ANK3: variants seen among roughly 807,000 people sequenced by gnomAD.
The protein encoded by ANK3 is ankyrin-3.
A neutral mutation model predicts 370.9 loss-of-function variants in ANK3; 57 were observed. The ratio of observed to expected loss-of-function variants is 0.15; its 90% confidence interval spans 0.12 to 0.19. ANK3 has a LOEUF of 0.19. ANK3 is among the 10% of genes least tolerant of loss of function. The pLI is 1.00. For missense variants in ANK3, 4,439 were observed against 5,302.1 expected, an observed-to-expected ratio of 0.84 and a Z score of 5.06; for synonymous variants, 1,929 against 1,946.3, an observed-to-expected ratio of 0.99 and a Z score of 0.23.
intron 1 of ANK3, among the ~76,000 whole-genome samples, chr10:60,347,412 C>T (rs1319034232): frequency 1.3e-5 from 2 of 151,786 alleles, no homozygotes; most frequent in South Asian, 2.1e-4. Flanking sequence ...GACTATGAAG[C>T]ACTTCCTTGG....
At chr10:60,031,914 C>A (rs1172044248) in intron 43 of ANK3, among the ~76,000 whole-genome samples, 3 of 152,228 alleles carry the variant, frequency 2.0e-5, no homozygotes, top group East Asian at 3.9e-4. Flanking sequence ...GATTTCAACA[C>A]CCCTCCCCTG....
rs556245866 is a variant in ANK3, at chr10:60,612,016, C to T, written c.96+3170G>A. On this transcript the variant is annotated intron_variant, in intron 2 of 43. Coordinates refer to the ANK3 transcript ENST00000373827. ...ATCCAAACTACCTCTTCAATTTGTA[C>T]CCTATGAAGTGTACACTGTCTCATT... 2.6e-5 allele frequency among the ~76,000 whole-genome samples: 4 copies of T among 152,156 alleles called. No homozygotes were observed. The South Asian group carries it at 8.3e-4, about 32-fold the overall frequency.
intron 1 of ANK3, among the ~76,000 whole-genome samples, chr10:60,357,508 C>T (rs1158470833): frequency 6.6e-6 from 1 of 152,034 alleles, no homozygotes; most frequent in Non-Finnish European, 1.5e-5. Context: ...ATGCTTTGCT[C>T]TCAGCATTTC....
intron 2 of ANK3, among the ~76,000 whole-genome samples, chr10:60,447,312 G>A (rs184762806): frequency 6.6e-6 from 1 of 152,194 alleles, no homozygotes; most frequent in Non-Finnish European, 1.5e-5. Context: ...TAGAGATAAA[G>A]TATCCAACTG....
chr10:60,413,955 C>T (rs2063609993), intron 2 of ANK3, among the ~76,000 whole-genome samples: 1 of 152,124 alleles, frequency 6.6e-6, no homozygotes, highest in African/African-American at 2.4e-5. Flanking sequence ...TATGATGGTG[C>T]CACTGCACTG....
intron 1 of ANK3, among the ~76,000 whole-genome samples, chr10:60,644,890 T>TTAAAA (rs35510910): frequency 1.6e-5 from 2 of 125,960 alleles, no homozygotes; most frequent in Non-Finnish European, 3.2e-5. Flanking sequence ...AGTTTTAGTT[T>TTAAAA]AAAAAAAAAA....
chr10:60,303,741 A>G (rs2044329634), intron 1 of ANK3, among the ~76,000 whole-genome samples: 1 of 152,176 alleles, frequency 6.6e-6, no homozygotes, highest in East Asian at 1.9e-4. Flanking sequence ...TACTGGGTAT[A>G]TTGCCAAAGA....
At chr10:60,290,826 A>G (rs984921969) in intron 1 of ANK3, among the ~76,000 whole-genome samples, 4 of 152,188 alleles carry the variant, frequency 2.6e-5, no homozygotes, top group Admixed American at 1.3e-4. Flanking sequence ...TCCCAACTTT[A>G]TCTTTAAATA....
At position 60,074,451 on chromosome 10, in the gene ANK3, C is replaced by T. The variant is rs758596438; in HGVS notation, c.6430G>A (p.Ala2144Thr). 12 of 1,613,964 alleles carry T rather than the reference C, an allele frequency of 7.4e-6. No individual in the cohort carries two copies. Among genetic ancestry groups the T allele is most frequent in the Admixed American group, 3.3e-5 (2 of 59,988 alleles). ...AGTGGTTTAGGACCAGTGCTTTCAG[C>T]GCTTTGTGGGGCTGAAGGTGTCTTT... ...SEKTPSAPQS[A>T]ESTGPKPLFH... The change falls in exon 37 of 44, where the codon GCT (alanine) becomes ACT (threonine). Residue 2144 changes from alanine to threonine, a missense_variant. Physicochemically the swap from Ala to Thr is moderately conservative, Grantham distance 58. This residue lies in a region of ANK3 where 7 missense variants were observed against 26.9 expected (regional missense o/e 0.26). Coordinates refer to ENST00000280772, the MANE Select transcript of ANK3 (RefSeq NM_020987.5).
chr10:60,033,666 A>G (rs10821659), intron 43 of ANK3, among the ~76,000 whole-genome samples: 83,340 of 151,944 alleles, frequency 0.55, 23,586 homozygotes, highest in Non-Finnish European at 0.63. Flanking sequence ...TTTTATAGGC[A>G]AATGGACATA....
rs1203105594 is a variant in ANK3 at position 60,136,956 on chromosome 10, C to T, written c.2738+2008G>A. On this transcript the variant is annotated intron_variant, in intron 24 of 43. Coordinates refer to ENST00000280772, the MANE Select transcript of ANK3 (RefSeq NM_020987.5). ...TATAGGAAGTGTTAGAAAAACATGC[C>T]TCAGAATTCTAAATTTATACTAATT... Among the ~76,000 whole-genome samples, 2 of 151,996 alleles carry T rather than the reference C, an allele frequency of 1.3e-5. 1 individual carries two copies. The highest frequency in any genetic ancestry group is 2.9e-5 in the Non-Finnish European group (2 of 67,984).
At chr10:60,375,036 T>C (rs2060587570) in intron 1 of ANK3, among the ~76,000 whole-genome samples, 3 of 152,160 alleles carry the variant, frequency 2.0e-5, no homozygotes, top group Admixed American at 1.3e-4. Flanking sequence ...GTGACGTATA[T>C]ACACGCACAG....
At chr10:60,240,084 CACT>C (rs1428191820) in intron 7 of ANK3, among the ~76,000 whole-genome samples, 9 of 135,486 alleles carry the variant, frequency 6.6e-5, no homozygotes, top group African/African-American at 2.2e-4. Flanking sequence ...TACATATATA[CACT>C]ATATATACAC....
intron 28 of ANK3, among the ~76,000 whole-genome samples, chr10:60,094,089 T>G (rs867794221): frequency 6.6e-6 from 1 of 152,072 alleles, no homozygotes. Context: ...AGTGTCTCCA[T>G]GTACTATTCC....
At chr10:60,405,409 G>A (rs2063434093) in intron 2 of ANK3, among the ~76,000 whole-genome samples, 1 of 152,126 alleles carries the variant, frequency 6.6e-6, no homozygotes, top group Non-Finnish European at 1.5e-5. Flanking sequence ...TATACTGTAT[G>A]TTCCATTTAC....
chr10:60,149,979 G>T (rs2095029834), intron 23 of ANK3, among the ~76,000 whole-genome samples: 1 of 152,230 alleles, frequency 6.6e-6, no homozygotes, highest in African/African-American at 2.4e-5. Context: ...AAAGTACTGG[G>T]ATTACAGGCG....
intron 2 of ANK3, among the ~76,000 whole-genome samples, chr10:60,498,118 C>T (rs1440437737): frequency 2.0e-5 from 3 of 152,128 alleles, no homozygotes; most frequent in Non-Finnish European, 2.9e-5. Flanking sequence ...TACCTCGCTG[C>T]CCCCAGACCT....
chr10:60,658,054 TCCA>T lies in ANK3; in HGVS notation c.58-42833_58-42831del, dbSNP rs569895452. On this transcript the variant is annotated intron_variant, in intron 1 of 43. Coordinates refer to the ANK3 transcript ENST00000373827. Reference sequence around the variant, plus strand: ...TTGCTGTTTCCATGGTGTATTATTTTCCACCCTTTTATTGCCAATGTAATTGTA... The same window carrying T: ...TTGCTGTTTCCATGGTGTATTATTTTCCCTTTTATTGCCAATGTAATTGTA... Among the ~76,000 whole-genome samples, 18 of 151,926 alleles carry T rather than the reference TCCA, an allele frequency of 1.2e-4. No individual in the cohort carries two copies. The South Asian group carries it at 3.7e-3, about 32-fold the overall frequency.
At position 60,086,847 on chromosome 10, in the gene ANK3, A is replaced by G; in HGVS notation, c.3578T>C (p.Leu1193Pro). The change falls in exon 30 of 44, where the codon CTT becomes CCT. Residue 1193 changes from leucine to proline, a missense_variant. Around this residue, in one of 13 missense-constraint regions of ANK3, gnomAD observed 702 missense variants for 941.5 expected, o/e 0.75. Coordinates refer to ENST00000280772, the MANE Select transcript of ANK3 (RefSeq NM_020987.5). ...PVPDEIVKKI[L>P]GNKATFSPIV... is the part of the protein sequence containing the mutation. The stretch of plus-strand genomic sequence containing the variant: ...TGGGCTAAAAGTTGCTTTGTTTCCA[A>G]GGATCTTTTTCACAATTTCATCTGG... The G allele has an allele frequency of 6.2e-7, 1 of 1,613,486 alleles. No individual in the cohort carries two copies. The highest frequency in any genetic ancestry group is 8.5e-7 in the Non-Finnish European group (1 of 1,179,964).
Sources: gnomAD v4.1 joint callset for allele counts (sites outside exome capture counted in the v4.1 genomes callset) on GRCh38, gnomAD v4.1.1 for gene constraint, gnomAD v4.1.1 regional missense constraint, MANE v1.5 for transcripts, NCBI Gene and HGNC (gene_info 2026-07-23, HGNC 2026-07-21) for gene names.